MYO1C: variants seen among roughly 807,000 people sequenced by gnomAD.
MYO1C encodes the protein myosin IC.
MYO1C carries 104 observed loss-of-function variants against 150.8 expected under a neutral mutation model. That is an observed-to-expected ratio of 0.69 (90% CI 0.59 to 0.81). The LOEUF is 0.81. MYO1C is among the 30% of genes least tolerant of loss of function. The probability of loss-of-function intolerance (pLI) is 0.00; values close to 1 mark genes in which losing one functional copy is unlikely to be tolerated. For missense variants in MYO1C, 1,504 were observed against 1,435.0 expected (o/e 1.05, Z -0.78); for synonymous variants, 663 against 579.9 (o/e 1.14, Z -2.06).
chr17:1,472,916 C>T (rs1027377667), intron 17 of MYO1C, among the ~76,000 whole-genome samples: 6 of 151,976 alleles, frequency 3.9e-5, no homozygotes, highest in East Asian at 1.9e-4. Context: ...ACGAGGGGGC[C>T]GGAGCCGGGC....
rs542977977 is a variant in MYO1C at position 1,480,146 on chromosome 17, A to C, written c.906+381T>G. ...GGCGAAAGAGCGAGACTCCATCTCA[A>C]AAAAAAAAAAAAAAAAAAAAAAGGG... On this transcript the variant is annotated intron_variant, in intron 7 of 31. Transcript: ENST00000648651. 2.7e-3 allele frequency among the ~76,000 whole-genome samples: 306 copies of C among 115,014 alleles called. 1 individual carries two copies. In the East Asian group the frequency reaches 0.056, roughly 21 times the overall value. 75.5% of individuals were successfully genotyped at this position (115,014 alleles called of 152,430 possible).
intron 31 of MYO1C, among the ~76,000 whole-genome samples, 197 bp from the exon 32 acceptor site, chr17:1,465,949 G>C (rs1439544490): frequency 2.0e-5 from 3 of 151,720 alleles, no homozygotes; most frequent in Admixed American, 1.3e-4. Context: ...TTACAGGCGT[G>C]AGCCGCCGCA....
Position 1,479,851 on chromosome 17 carries a change from G to A in MYO1C, c.907-146C>T, listed in dbSNP as rs2074481355. 3.1e-6 allele frequency: 2 copies of A among 644,746 alleles called. No homozygotes were observed. Among genetic ancestry groups the A allele is most frequent in the Non-Finnish European group, 2.8e-6 (1 of 362,520 alleles). The allele number at this position is 644,746 out of a possible 1,614,324, so 39.9% of individuals were successfully genotyped here. A position where few individuals can be genotyped will look rare whatever the true frequency, so the allele number is the denominator to read the frequency against. ...GGAATGGGTGTTAAAGGTGGAAGGT[G>A]ATTCTGCGGGTGGGATGGGCACGGT... On this transcript the variant is annotated intron_variant, in intron 7 of 31. Coordinates refer to ENST00000648651, the MANE Select transcript of MYO1C (RefSeq NM_001080779.2). This position sits in a 1 kb window ranked among gnomAD's most constrained non-coding sequence, Gnocchi z 4.2.
At chr17:1,482,038 T>C (rs1292116228) in intron 5 of MYO1C, among the ~76,000 whole-genome samples, 2 of 151,940 alleles carry the variant, frequency 1.3e-5, no homozygotes, top group African/African-American at 4.8e-5. Flanking sequence ...CCTATCTCCA[T>C]CAAGCCATTA....
chr17:1,467,485 C>T lies in MYO1C; in HGVS notation c.3060G>A (p.Gln1020=). ...GGGGGCCGCCCGCGCCTCACCTGCC[C>T]TGGTTGATGTTGATGCTGTTCACGC... ...ANRVNSININ[Q]GSITFAGGPG... Residue 1020 remains glutamine (Q), a synonymous_variant, in exon 30 of 32, where the codon CAG becomes CAA. Coordinates refer to ENST00000648651, the MANE Select transcript of MYO1C (RefSeq NM_001080779.2). 1 of 1,613,324 alleles carries T rather than the reference C, an allele frequency of 6.2e-7. No homozygotes were observed. Among genetic ancestry groups the T allele is most frequent in the Non-Finnish European group, 8.5e-7 (1 of 1,179,948 alleles).
rs2074280202 is a variant in MYO1C at position 1,470,560 on chromosome 17, C to T, written c.2282-41G>A. 2.5e-6 allele frequency: 4 copies of T among 1,569,256 alleles called. No homozygotes were observed. The East Asian group carries it at 7.0e-5, about 27-fold the overall frequency. On this transcript the variant is annotated intron_variant, in intron 22 of 31. Transcript: ENST00000648651. ...CAGATGGCTGAACTCTATCTTCTTA[C>T]CATGGTGGCCCCCCCTGGCCCCAGA...
Position 1,480,694 on chromosome 17 carries a change from C to T in MYO1C, c.807+12G>A. ...CCCTGGGTGGCACCTGCCCTCCCTG[C>T]CAGCCACTCACCTTCACCAGGTACA... is the stretch of plus-strand genomic sequence containing the variant. On this transcript the variant is annotated intron_variant, in intron 6 of 31. Transcript: ENST00000648651. The T allele has an allele frequency of 6.2e-7, 1 of 1,614,140 alleles. No homozygotes were observed. Among genetic ancestry groups the T allele is most frequent in the South Asian group, 1.1e-5 (1 of 91,084 alleles).
At chr17:1,492,309 C>G in intron 1 of MYO1C, 104 bp downstream of exon 1, 1 of 1,175,328 alleles carries the variant, frequency 8.5e-7, no homozygotes, top group Non-Finnish European at 1.2e-6. Context: ...GATCGGAACC[C>G]CTCCCCGCTG....
chr17:1,469,290 G>A (rs74555026), intron 25 of MYO1C: 5 of 555,210 alleles, frequency 9.0e-6, no homozygotes, highest in Non-Finnish European at 1.0e-5. Context: ...GTAGACTGGG[G>A]TAAATACGGT....
chr17:1,476,021 T>G (rs1419954252), intron 14 of MYO1C, among the ~76,000 whole-genome samples: 1 of 152,216 alleles, frequency 6.6e-6, no homozygotes, highest in Non-Finnish European at 1.5e-5. Context: ...AGCCATGGCC[T>G]TTGGGCGACG....
At chr17:1,489,738 G>GA (rs56839267) in intron 1 of MYO1C, among the ~76,000 whole-genome samples, 21,600 of 148,582 alleles carry the variant, frequency 0.15, 1,809 homozygotes, top group African/African-American at 0.23. Flanking sequence ...TTGTATGGGG[G>GA]AAAAAAAAAA....
chr17:1,478,569 G>A lies in MYO1C; in HGVS notation c.1212+47C>T, dbSNP rs557899138. ...ACCCTGCAGCACCCCCCGCCTCGCC[G>A]ACGGCCCTCCCTTCTGCCTTGGGAG... On this transcript the variant is annotated intron_variant, in intron 10 of 31. Transcript: ENST00000648651. The surrounding 1 kb of genome is among the most constrained non-coding windows in gnomAD (Gnocchi z 6.3). 1.7e-5 allele frequency: 27 copies of A among 1,613,832 alleles called. No homozygotes were observed. Among genetic ancestry groups the A allele is most frequent in the South Asian group, 1.3e-4 (12 of 91,066 alleles).
chr17:1,472,375 G>T, intron 17 of MYO1C, 147 bp from the exon 18 acceptor site: 1 of 693,830 alleles, frequency 1.4e-6, no homozygotes, highest in Non-Finnish European at 2.5e-6. Flanking sequence ...CAGCTTCCTC[G>T]CAGCAGAGGA....
chr17:1,480,857 C>T lies in MYO1C; in HGVS notation c.656G>A (p.Ser219Asn), dbSNP rs772269411. 1.2e-6 allele frequency: 2 copies of T among 1,614,148 alleles called. No homozygotes were observed. Among genetic ancestry groups the T allele is most frequent in the African/African-American group, 1.3e-5 (1 of 75,046 alleles). The change falls in exon 6 of 32, where the codon AGT becomes AAT. Residue 219 changes from serine (S) to asparagine (N), a missense_variant. Physicochemically the swap from Ser to Asn is conservative, Grantham distance 46 (BLOSUM62 1). Transcript: ENST00000648651. Reference protein sequence around the residue: ...KGAPVGGHILSYLLEKSRVVH... With the variant: ...KGAPVGGHILNYLLEKSRVVH... ...CACTCGTGACTTTTCCAGGAGGTAA[C>T]TGAGGATGTGGCCACCCACGGGGGC...
intron 3 of MYO1C, among the ~76,000 whole-genome samples, chr17:1,483,390 G>A (rs1053482519): frequency 3.9e-5 from 6 of 152,008 alleles, no homozygotes; most frequent in Non-Finnish European, 7.4e-5. Flanking sequence ...TCCCAGTTGG[G>A]GAATAAGTCA....
intron 1 of MYO1C, among the ~76,000 whole-genome samples, chr17:1,486,482 C>T (rs1211271032): frequency 2.0e-5 from 3 of 151,998 alleles, no homozygotes. Flanking sequence ...ACCCCACTCG[C>T]CTCTGGGCCC....
intron 1 of MYO1C, chr17:1,485,597 T>A (rs1161134549): frequency 6.3e-6 from 6 of 945,600 alleles, no homozygotes; most frequent in Non-Finnish European, 8.0e-6. Context: ...CCGGAATTCC[T>A]GGGCCGCGCC....
chr17:1,468,567 T>TAGGACCTGAGACAGCCTC (rs2074231707), intron 25 of MYO1C, 71 bp from the exon 26 acceptor site: 1 of 1,307,848 alleles, frequency 7.6e-7, no homozygotes, highest in South Asian at 1.2e-5. Context: ...GAGCCAGCCT[T>TAGGACCTGAGACAGCCTC]AGGACCTGAG....
Position 1,479,772 on chromosome 17 carries a change from A to T in MYO1C, c.907-67T>A. 1 of 1,132,920 alleles carries T rather than the reference A, an allele frequency of 8.8e-7. No individual in the cohort carries two copies. Among genetic ancestry groups the T allele is most frequent in the East Asian group, 2.5e-5 (1 of 39,694 alleles). The allele number at this position is 1,132,920 out of a possible 1,614,324, so 70.2% of individuals were successfully genotyped here. A position where few individuals can be genotyped will look rare whatever the true frequency, so the allele number is the denominator to read the frequency against. On this transcript the variant is annotated intron_variant, in intron 7 of 31. Transcript: ENST00000648651. This position sits in a 1 kb window ranked among gnomAD's most constrained non-coding sequence, Gnocchi z 4.2. ...AGAGAGCCCCAAGAGGGCAACTAGC[A>T]GATGGCCATGCAGGGGTGGGTGGTG...
Sources: gnomAD v4.1 joint callset for allele counts (sites outside exome capture counted in the v4.1 genomes callset) on GRCh38, gnomAD v4.1.1 for gene constraint, Gnocchi (gnomAD v3.1) non-coding constraint, MANE v1.5 for transcripts, NCBI Gene and HGNC (gene_info 2026-07-23, HGNC 2026-07-21) for gene names.